Variants in MANBA observed in about 807,000 individuals in gnomAD.
MANBA encodes mannosidase beta.
In MANBA, 83 loss-of-function variants were observed where a neutral mutation model predicts 111.1. That is an observed-to-expected ratio of 0.75 (90% CI 0.63 to 0.90). MANBA has a LOEUF of 0.90. Ranked by LOEUF, MANBA falls within the 40% of genes least tolerant of loss-of-function variation. MANBA has a pLI of 0.00. For missense variants in MANBA, 1,036 were observed against 1,069.0 expected (o/e 0.97, Z 0.43); for synonymous variants, 370 against 378.7 (o/e 0.98, Z 0.27).
intron 1 of MANBA, among the ~76,000 whole-genome samples, chr4:102,735,140 G>A (rs553874919): frequency 2.6e-5 from 4 of 152,240 alleles, no homozygotes; most frequent in Admixed American, 1.3e-4. Context: ...CACTAGCTGC[G>A]ACAGCCAGGC....
intron 1 of MANBA, among the ~76,000 whole-genome samples, chr4:102,752,952 T>C (rs1723865469): frequency 6.6e-6 from 1 of 152,302 alleles, no homozygotes; most frequent in South Asian, 2.1e-4. Context: ...TTTGTCCCAA[T>C]TGCATGTGAA....
chr4:102,636,852 A>G (rs955161553), intron 14 of MANBA, among the ~76,000 whole-genome samples: 2 of 152,118 alleles, frequency 1.3e-5, no homozygotes, highest in Non-Finnish European at 2.9e-5. Flanking sequence ...CTACAGTTAG[A>G]TATGGTTTGG....
chr4:102,670,173 A>AAAAAAAAAAAC (rs1731430568), intron 9 of MANBA, among the ~76,000 whole-genome samples: 1 of 151,340 alleles, frequency 6.6e-6, no homozygotes, highest in African/African-American at 2.4e-5. Context: ...AAAAAAAAAA[A>AAAAAAAAAAAC]AAAAGATCAT....
At chr4:102,641,842 A>G (rs1252950889) in intron 13 of MANBA, among the ~76,000 whole-genome samples, 11 of 151,914 alleles carry the variant, frequency 7.2e-5, no homozygotes, top group African/African-American at 2.7e-4. Context: ...TTTAAATGCA[A>G]GTAGGATTCC....
At chr4:102,680,198 C>T (rs889743649) in intron 7 of MANBA, among the ~76,000 whole-genome samples, 1 of 152,112 alleles carries the variant, frequency 6.6e-6, no homozygotes, top group African/African-American at 2.4e-5. Flanking sequence ...TGTTGTTGCA[C>T]AGTAAATAGG....
At chr4:102,752,096 G>C in intron 1 of MANBA, 1 of 761,100 alleles carries the variant, frequency 1.3e-6, no homozygotes, top group Non-Finnish European at 2.5e-6. Flanking sequence ...TCCACAAATC[G>C]ACAGAGAACA....
chr4:102,639,235 C>T (rs1163788119), intron 14 of MANBA, among the ~76,000 whole-genome samples: 3 of 152,100 alleles, frequency 2.0e-5, no homozygotes, highest in African/African-American at 4.8e-5. Flanking sequence ...TAAGAGACAT[C>T]TTCATTATGT....
intron 4 of MANBA, among the ~76,000 whole-genome samples, chr4:102,717,038 T>C (rs1722365831): frequency 6.6e-6 from 1 of 152,106 alleles, no homozygotes; most frequent in Non-Finnish European, 1.5e-5. Context: ...TTTTAGTATC[T>C]ATTTGTAATT....
chr4:102,696,217 CT>C (rs1400614643), intron 5 of MANBA, among the ~76,000 whole-genome samples: 3 of 152,124 alleles, frequency 2.0e-5, no homozygotes, highest in African/African-American at 4.8e-5. Flanking sequence ...CAGCATGAGA[CT>C]TTGTCTCAAA....
rs1469298081 is a variant in MANBA, at chr4:102,636,026, G to T, written c.2015-19C>A. The T allele has an allele frequency of 1.2e-6, 2 of 1,610,462 alleles. No individual in the cohort carries two copies. ...CCGTACTCTGAAAATAATCAAGAGT[G>T]TCAGGAGACGGCAAGGTCAAGTAGT... On this transcript the variant is annotated intron_variant, in intron 14 of 16. Coordinates refer to ENST00000647097, the MANE Select transcript of MANBA (RefSeq NM_005908.4).
At chr4:102,728,984 C>T (rs1464912804) in intron 1 of MANBA, 26 of 920,038 alleles carry the variant, frequency 2.8e-5, no homozygotes, top group Non-Finnish European at 4.3e-5. Flanking sequence ...GCTCTCCTCG[C>T]CCTCCAGCAG....
chr4:102,671,260 A>C, intron 9 of MANBA, 21 bp downstream of exon 9: 3 of 1,398,732 alleles, frequency 2.1e-6, no homozygotes, highest in Admixed American at 3.3e-5. Context: ...ATCAATATAT[A>C]AAATGCTATC....
chr4:102,696,453 T>C (rs1732712164), intron 5 of MANBA, among the ~76,000 whole-genome samples: 1 of 152,222 alleles, frequency 6.6e-6, no homozygotes, highest in Admixed American at 6.5e-5. Context: ...ACAGGCATTA[T>C]AAATTATATC....
intron 13 of MANBA, among the ~76,000 whole-genome samples, chr4:102,650,056 A>C (rs1388594364): frequency 6.6e-6 from 1 of 152,090 alleles, no homozygotes; most frequent in Admixed American, 6.6e-5. Context: ...AATCAAATTA[A>C]CTTGTATATG....
In MANBA at chr4:102,644,921, A is replaced by T. The variant is rs190394352; in HGVS notation, c.1870-5064T>A. Among the ~76,000 whole-genome samples the T allele has an allele frequency of 2.9e-3, 446 of 152,022 alleles. 10 individuals are homozygous for T. In the East Asian group the frequency reaches 0.055, roughly 19 times the overall value. On this transcript the variant is annotated intron_variant, in intron 13 of 16. Transcript: ENST00000647097. ...AAAATAAAGAAATATTAATTTTTTT[A>T]AAAAAAGAAAATCAGTTGACCATAA... is the stretch of plus-strand genomic sequence containing the variant.
intron 10 of MANBA, 127 bp from the exon 11 acceptor site, chr4:102,664,979 T>C (rs915490486): frequency 4.3e-6 from 3 of 694,770 alleles, no homozygotes; most frequent in Non-Finnish European, 7.4e-6. Flanking sequence ...AAAACCTAAT[T>C]TGAAAATGGC....
intron 13 of MANBA, 49 bp downstream of exon 13, chr4:102,650,488 T>C (rs1407604624): frequency 6.5e-7 from 1 of 1,539,290 alleles, no homozygotes; most frequent in South Asian, 1.1e-5. Flanking sequence ...ACATAATCTC[T>C]TACATTAATT....
At chr4:102,735,460 GAA>G (rs1358040300) in intron 1 of MANBA, among the ~76,000 whole-genome samples, 5 of 65,780 alleles carry the variant, frequency 7.6e-5, no homozygotes, top group Admixed American at 2.0e-4. Context: ...CATGCATGCT[GAA>G]AAAAAAAAAA....
chr4:102,751,323 G>A, intron 1 of MANBA: 1 of 343,784 alleles, frequency 2.9e-6, no homozygotes, highest in Non-Finnish European at 5.7e-6. Flanking sequence ...CTAATTTTGA[G>A]CGGCCTCTTT....
Sources: gnomAD v4.1 joint callset for allele counts (sites outside exome capture counted in the v4.1 genomes callset) on GRCh38, gnomAD v4.1.1 for gene constraint, MANE v1.5 for transcripts, NCBI Gene and HGNC (gene_info 2026-07-23, HGNC 2026-07-21) for gene names.